The following SPRED1 variants were observed in gnomAD, a reference collection of about 807,000 sequenced individuals.
SPRED1 encodes sprouty related EVH1 domain containing 1, also known as sprouty-related, EVH1 domain-containing protein 1.
Under a neutral mutation model 52.3 loss-of-function variants are expected in SPRED1, and 18 were observed. The observed-to-expected ratio is 0.34, with a 90% CI of 0.24 to 0.51. SPRED1 has a LOEUF of 0.51. SPRED1 is among the 20% of genes least tolerant of loss of function. The pLI, the probability that SPRED1 is intolerant of heterozygous loss-of-function variation, is 0.97. For synonymous variants in SPRED1, 155 were observed against 179.7 expected (o/e 0.86, Z 1.10); for missense variants, 485 against 551.0 (o/e 0.88, Z 1.20).
chr15:38,253,193 A>T lies in SPRED1; in HGVS notation c.8A>T (p.Glu3Val). MS[E>V]ETATSDNDNS... ...GATCACGGTGAGGGAAAGATGAGCG[A>T]GGAGACGGCGACTTCTGACAACGAG... Residue 3 changes from glutamate to valine, a missense_variant, in exon 1 of 7, where the codon GAG (glutamate) becomes GTG (valine). Transcript: ENST00000299084. 6.3e-7 allele frequency: 1 copy of T among 1,580,624 alleles called. No individual in the cohort carries two copies. The highest frequency in any genetic ancestry group is 8.6e-7 in the Non-Finnish European group (1 of 1,162,282).
In SPRED1 at chr15:38,253,034, C is replaced by A. The variant is rs886051102; in HGVS notation, c.-152C>A. The A allele has an allele frequency of 2.4e-5, 17 of 708,592 alleles. No individual in the cohort carries two copies. Among genetic ancestry groups the A allele is most frequent in the Middle Eastern group, 3.7e-4 (1 of 2,696 alleles). 43.9% of individuals were successfully genotyped at this position (708,592 alleles called of 1,614,324 possible). A position where few individuals can be genotyped will look rare whatever the true frequency, so the allele number is the denominator to read the frequency against. On this transcript the variant is annotated 5_prime_UTR_variant, in exon 1 of 7. Transcript: ENST00000299084. ...CCGGGGTTCCCGGCTGGGGGGGTAC[C>A]GTTCTGGGTGAGGCATCCACCATGG...
At chr15:38,339,108 A>G (rs1047558802) in intron 4 of SPRED1, among the ~76,000 whole-genome samples, 12 of 152,006 alleles carry the variant, frequency 7.9e-5, no homozygotes, top group African/African-American at 2.7e-4. Flanking sequence ...GTAGTGTGCT[A>G]AATTTTACTT....
intron 1 of SPRED1, among the ~76,000 whole-genome samples, chr15:38,269,105 A>G (rs981403687): frequency 9.9e-5 from 15 of 151,668 alleles, no homozygotes; most frequent in African/African-American, 3.6e-4. Flanking sequence ...TGTCTGGCTA[A>G]TTTTTTTGGT....
intron 2 of SPRED1, among the ~76,000 whole-genome samples, chr15:38,314,600 T>A (rs1895434958): frequency 6.6e-6 from 1 of 151,880 alleles, no homozygotes; most frequent in Admixed American, 6.6e-5. Context: ...CTCATTTATT[T>A]AAGTAGGATC....
At chr15:38,255,012 A>G (rs139853145) in intron 1 of SPRED1, among the ~76,000 whole-genome samples, 1,618 of 152,328 alleles carry the variant, frequency 0.011, 29 homozygotes, top group African/African-American at 0.036. Flanking sequence ...AAAGCAGTGA[A>G]TATCTCCTTG....
intron 1 of SPRED1, among the ~76,000 whole-genome samples, chr15:38,268,864 A>G (rs1003645512): frequency 2.6e-5 from 4 of 151,864 alleles, no homozygotes; most frequent in Admixed American, 2.6e-4. Context: ...ACCTCAGTAC[A>G]TTTTCAGTCT....
At chr15:38,333,258 A>T (rs16966769) in intron 4 of SPRED1, among the ~76,000 whole-genome samples, 6,411 of 152,218 alleles carry the variant, frequency 0.042, 464 homozygotes, top group African/African-American at 0.15. Context: ...ATGAGTTTGT[A>T]GCTGAGGTTA....
At chr15:38,280,862 C>T (rs1394480397) in intron 1 of SPRED1, among the ~76,000 whole-genome samples, 1 of 152,160 alleles carries the variant, frequency 6.6e-6, no homozygotes, top group East Asian at 1.9e-4. Context: ...CAGTGAATCA[C>T]TTTGCTAGTG....
At chr15:38,255,506 ACT>A (rs1894076507) in intron 1 of SPRED1, among the ~76,000 whole-genome samples, 1 of 151,658 alleles carries the variant, frequency 6.6e-6, no homozygotes, top group African/African-American at 2.4e-5. Flanking sequence ...ACTTTAAAAA[ACT>A]CTATTATATT....
chr15:38,257,887 A>C (rs1894131838), intron 1 of SPRED1, among the ~76,000 whole-genome samples: 2 of 152,232 alleles, frequency 1.3e-5, no homozygotes. Flanking sequence ...GCCTAAGGGG[A>C]AAGTGTAACA....
chr15:38,354,405 T>G lies in SPRED1; in HGVS notation c.*2741T>G, dbSNP rs1008105027. On this transcript the variant is annotated 3_prime_UTR_variant, in exon 7 of 7. Coordinates refer to ENST00000299084, the MANE Select transcript of SPRED1 (RefSeq NM_152594.3). ...ATCTAGACGGCATGACAAGCAAGACTGGTCTGATGAACTTGTTCAGAATTG... is the reference window on the plus strand; with the variant it reads ...ATCTAGACGGCATGACAAGCAAGACGGGTCTGATGAACTTGTTCAGAATTG... 4 of 152,228 alleles carry G rather than the reference T, an allele frequency of 2.6e-5. No individual in the cohort carries two copies. Among genetic ancestry groups the G allele is most frequent in the African/African-American group, 9.6e-5 (4 of 41,460 alleles). The allele number at this position is 152,228 out of a possible 1,614,324, so 9.4% of individuals were successfully genotyped here.
rs551791888 is a variant in SPRED1, at chr15:38,272,935, A to G, written c.32+19718A>G. On this transcript the variant is annotated intron_variant, in intron 1 of 6. Transcript: ENST00000299084. ...AAATTGCTTATAGATTCTGGATATT[A>G]TGTCTTTGTTGGATGCATAGTTTAT... 7.2e-5 allele frequency among the ~76,000 whole-genome samples: 11 copies of G among 152,124 alleles called. No homozygotes were observed. In the East Asian group the frequency reaches 1.4e-3, roughly 19 times the overall value.
chr15:38,289,925 A>T (rs912601777), intron 1 of SPRED1, among the ~76,000 whole-genome samples: 1 of 152,236 alleles, frequency 6.6e-6, no homozygotes, highest in Non-Finnish European at 1.5e-5. Flanking sequence ...TAGGACAGCA[A>T]TAAAAAGCTA....
intron 1 of SPRED1, among the ~76,000 whole-genome samples, chr15:38,297,237 A>G (rs1189201522): frequency 6.6e-6 from 1 of 152,250 alleles, no homozygotes; most frequent in Non-Finnish European, 1.5e-5. Flanking sequence ...TATATTTGAA[A>G]TTACTATTCA....
intron 1 of SPRED1, among the ~76,000 whole-genome samples, chr15:38,286,400 A>G (rs985268671): frequency 1.3e-5 from 2 of 152,102 alleles, no homozygotes; most frequent in Non-Finnish European, 2.9e-5. Context: ...TCTAACCACT[A>G]TATTGCATTC....
intron 1 of SPRED1, among the ~76,000 whole-genome samples, chr15:38,296,096 C>T (rs1025527713): frequency 2.0e-5 from 3 of 151,994 alleles, no homozygotes; most frequent in Non-Finnish European, 2.9e-5. Flanking sequence ...ATAATGGACA[C>T]GTAAAACAAG....
At chr15:38,297,289 T>C (rs1228317353) in intron 1 of SPRED1, among the ~76,000 whole-genome samples, 1 of 152,220 alleles carries the variant, frequency 6.6e-6, no homozygotes, top group Non-Finnish European at 1.5e-5. Context: ...GTTTAGGTTT[T>C]TAATAAAGAA....
At chr15:38,313,481 A>G (rs1276216304) in intron 2 of SPRED1, among the ~76,000 whole-genome samples, 1 of 151,922 alleles carries the variant, frequency 6.6e-6, no homozygotes, top group African/African-American at 2.4e-5. Flanking sequence ...GCTAGAAAGT[A>G]AAGTTGTACT....
At chr15:38,327,477 C>A (rs1566868884) in intron 4 of SPRED1, among the ~76,000 whole-genome samples, 2 of 151,986 alleles carry the variant, frequency 1.3e-5, no homozygotes, top group African/African-American at 2.4e-5. Context: ...TTTCTGGATT[C>A]CATCTTGCTT....
Sources: gnomAD v4.1 joint callset for allele counts (sites outside exome capture counted in the v4.1 genomes callset) on GRCh38, gnomAD v4.1.1 for gene constraint, MANE v1.5 for transcripts, NCBI Gene and HGNC (gene_info 2026-07-23, HGNC 2026-07-21) for gene names.